The following TTLL5 variants were observed in gnomAD, a reference collection of about 807,000 sequenced individuals.
TTLL5 encodes tubulin polyglutamylase TTLL5.
TTLL5 carries 132 observed loss-of-function variants against 168.4 expected under a neutral mutation model. That is an observed-to-expected ratio of 0.78 (90% CI 0.68 to 0.91). TTLL5 has a LOEUF of 0.91. TTLL5 is among the 40% of genes least tolerant of loss of function. The pLI, the probability that TTLL5 is intolerant of heterozygous loss-of-function variation, is 0.00. For synonymous variants in TTLL5, 546 were observed against 558.6 expected, an observed-to-expected ratio of 0.98 and a Z score of 0.32; for missense variants, 1,545 against 1,581.5, an observed-to-expected ratio of 0.98 and a Z score of 0.39.
chr14:75,786,265 A>G (rs1892356629), intron 26 of TTLL5, among the ~76,000 whole-genome samples: 1 of 152,198 alleles, frequency 6.6e-6, no homozygotes, highest in Admixed American at 6.5e-5. Flanking sequence ...TCCCCATGTA[A>G]GAAATTCAGT....
At chr14:75,683,774 G>T in intron 5 of TTLL5, 118 bp downstream of exon 5, 2 of 658,274 alleles carry the variant, frequency 3.0e-6, no homozygotes, top group Non-Finnish European at 4.9e-6. Context: ...GAAGAAGAAG[G>T]ACTTTTTTTT....
chr14:75,771,595 A>G, intron 20 of TTLL5, 139 bp from the exon 21 acceptor site: 1 of 1,221,330 alleles, frequency 8.2e-7, no homozygotes, highest in Non-Finnish European at 1.1e-6. Flanking sequence ...ATCCTTATTC[A>G]CAGGCTGTAA....
chr14:75,930,797 A>G (rs2034252488), intron 31 of TTLL5, among the ~76,000 whole-genome samples: 1 of 152,238 alleles, frequency 6.6e-6, no homozygotes, highest in South Asian at 2.1e-4. Flanking sequence ...AACATCATTT[A>G]AAAGTCTGGC....
intron 31 of TTLL5, among the ~76,000 whole-genome samples, chr14:75,953,566 T>C (rs1033230176): frequency 5.9e-5 from 9 of 152,008 alleles, no homozygotes; most frequent in African/African-American, 2.2e-4. Flanking sequence ...TTCAGGATGG[T>C]GAGAATGGGA....
rs567177741 is a variant in TTLL5, at chr14:75,709,278, T to C, written c.740+1571T>C. On this transcript the variant is annotated intron_variant, in intron 9 of 31. Coordinates refer to ENST00000298832, the MANE Select transcript of TTLL5 (RefSeq NM_015072.5). ...TATTATTGTACTCTGACAACTATTA[T>C]TTTAGAATGGTCTTTTAATGATTTT... 165 of 741,598 alleles carry C rather than the reference T, an allele frequency of 2.2e-4. 3 individuals are homozygous for C. The Middle Eastern group carries it at 2.8e-3, about 13-fold the overall frequency. 45.9% of individuals were successfully genotyped at this position (741,598 alleles called of 1,614,324 possible).
chr14:75,886,715 C>A (rs1320429919), intron 30 of TTLL5: 1 of 1,598,012 alleles, frequency 6.3e-7, no homozygotes, highest in South Asian at 1.1e-5. Context: ...GCTTCAGATC[C>A]TCCTTTCAAA....
intron 15 of TTLL5, among the ~76,000 whole-genome samples, chr14:75,743,970 C>T (rs1306299263): frequency 3.9e-5 from 6 of 152,124 alleles, no homozygotes; most frequent in Admixed American, 3.9e-4. Flanking sequence ...CCAAAAGTCC[C>T]ATCTCCAAAT....
chr14:75,811,156 AGTGTGTGTGTGTGTGT>A, intron 27 of TTLL5, among the ~76,000 whole-genome samples: 1 of 116,626 alleles, frequency 8.6e-6, no homozygotes, highest in South Asian at 3.1e-4. Flanking sequence ...TGAAAGAAAG[AGTGTGTGTGTGTGTGT>A]GTGTGTGTGT....
At position 75,732,712 on chromosome 14, in the gene TTLL5, G is replaced by A. The variant is rs184882031; in HGVS notation, c.1124+293G>A. 1.1e-3 allele frequency among the ~76,000 whole-genome samples: 170 copies of A among 152,072 alleles called. 1 individual carries two copies. The highest frequency in any genetic ancestry group is 4.0e-3 in the African/African-American group (167 of 41,488). ...ATCCCTGTAGTTTTTTTAATAGTAG[G>A]TCTTCTATTAAGGGTAAAGAAATAC... On this transcript the variant is annotated intron_variant, in intron 13 of 31. Coordinates refer to ENST00000298832, the MANE Select transcript of TTLL5 (RefSeq NM_015072.5).
chr14:75,858,808 T>G (rs1430928664), intron 28 of TTLL5, among the ~76,000 whole-genome samples: 1 of 152,184 alleles, frequency 6.6e-6, no homozygotes, highest in African/African-American at 2.4e-5. Flanking sequence ...AGAAATAATT[T>G]CTCCCCAGAA....
At chr14:75,916,098 C>A (rs1344128575) in intron 31 of TTLL5, among the ~76,000 whole-genome samples, 2 of 150,862 alleles carry the variant, frequency 1.3e-5, no homozygotes, top group Non-Finnish European at 1.5e-5. Context: ...TGTACTCCAG[C>A]CTGGGTGACA....
intron 3 of TTLL5, among the ~76,000 whole-genome samples, chr14:75,674,671 T>G (rs1884002600): frequency 6.6e-6 from 1 of 151,738 alleles, no homozygotes; most frequent in Non-Finnish European, 1.5e-5. Context: ...ATTTTCAGCT[T>G]AAAGTAAACT....
At chr14:75,812,757 C>T (rs570607041) in intron 27 of TTLL5, among the ~76,000 whole-genome samples, 1 of 152,122 alleles carries the variant, frequency 6.6e-6, no homozygotes, top group Non-Finnish European at 1.5e-5. Context: ...CCTGTTCTCT[C>T]GTTTCCTTAG....
At chr14:75,914,033 A>AAAAAAAAATATATATATATATAT in intron 31 of TTLL5, among the ~76,000 whole-genome samples, 5 of 71,094 alleles carry the variant, frequency 7.0e-5, no homozygotes, top group Admixed American at 3.5e-4. Flanking sequence ...AAAAAAAAAA[A>AAAAAAAAATATATATATATATAT]ATATATATAT....
At chr14:75,830,500 C>A (rs1895499314) in intron 28 of TTLL5, among the ~76,000 whole-genome samples, 1 of 152,128 alleles carries the variant, frequency 6.6e-6, no homozygotes, top group Admixed American at 6.5e-5. Flanking sequence ...TCAATTTAGC[C>A]ATCCCACAAT....
rs1004251761 is a variant in TTLL5, at chr14:75,796,116, T to C, written c.3171+3016T>C. 2.6e-5 allele frequency among the ~76,000 whole-genome samples: 4 copies of C among 152,232 alleles called. No individual in the cohort carries two copies. In the South Asian group the frequency reaches 8.3e-4, roughly 31 times the overall value. ...CTATTATTTTTTGACTTTTTAATTATAGCCATTCTTGCAGGAGTAAGGTAG... is the reference window on the plus strand; with the variant it reads ...CTATTATTTTTTGACTTTTTAATTACAGCCATTCTTGCAGGAGTAAGGTAG... On this transcript the variant is annotated intron_variant, in intron 27 of 31. Coordinates refer to ENST00000298832, the MANE Select transcript of TTLL5 (RefSeq NM_015072.5).
In TTLL5 at chr14:75,873,617, G is replaced by GT. The variant is rs1437016704; in HGVS notation, c.3523-9067dup. Among the ~76,000 whole-genome samples, 4 of 152,058 alleles carry GT rather than the reference G, an allele frequency of 2.6e-5. No homozygotes were observed. The East Asian group carries it at 7.7e-4, about 29-fold the overall frequency. On this transcript the variant is annotated intron_variant, in intron 29 of 31. Coordinates refer to ENST00000298832, the MANE Select transcript of TTLL5 (RefSeq NM_015072.5). Reference sequence around the variant, plus strand: ...TTAAGGCTGAATAACATTTCATTGTGTGTGTATACACATATACATACCATG... The same window carrying GT: ...TTAAGGCTGAATAACATTTCATTGTGTTGTGTATACACATATACATACCATG...
At chr14:75,747,172 T>A (rs963555091) in intron 17 of TTLL5, among the ~76,000 whole-genome samples, 1 of 152,100 alleles carries the variant, frequency 6.6e-6, no homozygotes, top group African/African-American at 2.4e-5. Flanking sequence ...TGTGTGTCTC[T>A]AAGGTCATTC....
At chr14:75,949,969 AAGAG>A (rs1396726836) in intron 31 of TTLL5, among the ~76,000 whole-genome samples, 17 of 152,308 alleles carry the variant, frequency 1.1e-4, no homozygotes, top group Admixed American at 3.3e-4. Flanking sequence ...ATTTATATGA[AAGAG>A]AGAAGAACCC....
Sources: gnomAD v4.1 joint callset for allele counts (sites outside exome capture counted in the v4.1 genomes callset) on GRCh38, gnomAD v4.1.1 for gene constraint, MANE v1.5 for transcripts, NCBI Gene and HGNC (gene_info 2026-07-23, HGNC 2026-07-21) for gene names.